Variants in CAST observed in about 807,000 individuals in gnomAD.
The protein encoded by CAST is MIR583 host.
A neutral mutation model predicts 119.6 loss-of-function variants in CAST; 76 were observed. That is an observed-to-expected ratio of 0.64 (90% CI 0.53 to 0.77). The LOEUF is 0.77. Ranked by LOEUF, CAST falls within the 30% of genes least tolerant of loss-of-function variation. CAST has a pLI of 0.00. For synonymous variants in CAST, 319 were observed against 331.6 expected (o/e 0.96, Z 0.41); for missense variants, 953 against 946.5 (o/e 1.01, Z -0.09).
intron 1 of CAST, among the ~76,000 whole-genome samples, chr5:96,620,900 T>C (rs1190001413): frequency 6.6e-6 from 1 of 152,220 alleles, no homozygotes; most frequent in African/African-American, 2.4e-5. Context: ...TCAAAGAAAT[T>C]AGGTGATTTC....
At chr5:96,501,526 A>C in the CAST span, among the ~76,000 whole-genome samples, 1 of 152,240 alleles carries the variant, frequency 6.6e-6, no homozygotes, top group South Asian at 2.1e-4. Context: ...GAAAGATATA[A>C]AAATTCTTCA....
chr5:96,768,626 A>G (rs1581430890), intron 29 of CAST, among the ~76,000 whole-genome samples: 1 of 152,238 alleles, frequency 6.6e-6, no homozygotes, highest in East Asian at 1.9e-4. Flanking sequence ...TCTCCACACT[A>G]TATGGTTGTG....
the CAST span, among the ~76,000 whole-genome samples, chr5:96,369,601 G>T: frequency 6.6e-6 from 1 of 152,096 alleles, no homozygotes; most frequent in African/African-American, 2.4e-5. Context: ...GAAGATGATC[G>T]TAGAAGAATA....
chr5:96,254,579 G>T, the CAST span, among the ~76,000 whole-genome samples: 4 of 152,066 alleles, frequency 2.6e-5, no homozygotes, highest in Non-Finnish European at 5.9e-5. Flanking sequence ...TTTAAAAAGT[G>T]GTTCCTATAT....
intron 1 of CAST, among the ~76,000 whole-genome samples, chr5:96,586,118 A>G (rs1468972873): frequency 6.6e-6 from 1 of 152,180 alleles, no homozygotes; most frequent in Non-Finnish European, 1.5e-5. Context: ...TAAAGTAGAT[A>G]CTTTTATTAT....
At chr5:96,334,330 G>T in the CAST span, among the ~76,000 whole-genome samples, 140,739 of 152,140 alleles carry the variant, frequency 0.93, 65,308 homozygotes, top group African/African-American at 0.98. Context: ...TTGTTTATTG[G>T]CTGGGCCAGA....
At chr5:96,677,739 C>A (rs1750876336) in intron 2 of CAST, among the ~76,000 whole-genome samples, 1 of 152,190 alleles carries the variant, frequency 6.6e-6, no homozygotes, top group South Asian at 2.1e-4. Context: ...TTTGCTCTGT[C>A]CCCATGGCTT....
At chr5:96,209,505 G>T in the CAST span, among the ~76,000 whole-genome samples, 1 of 151,908 alleles carries the variant, frequency 6.6e-6, no homozygotes, top group African/African-American at 2.4e-5. Context: ...TGTAAGGCAG[G>T]TCTGGTGATA....
chr5:96,443,470 C>T, the CAST span, among the ~76,000 whole-genome samples: 1 of 152,230 alleles, frequency 6.6e-6, no homozygotes, highest in African/African-American at 2.4e-5. Flanking sequence ...TCAAGAAAGC[C>T]ACATGCCAAT....
the CAST span, chr5:95,970,202 G>A: frequency 6.6e-6 from 1 of 152,346 alleles, no homozygotes; most frequent in South Asian, 2.1e-4. Context: ...CACCCATCGT[G>A]ATGTGTTGAC....
chr5:96,332,402 A>T, the CAST span, among the ~76,000 whole-genome samples: 3 of 151,712 alleles, frequency 2.0e-5, no homozygotes, highest in African/African-American at 7.3e-5. Flanking sequence ...TTCTTTCTTT[A>T]AATTGATTTC....
At chr5:96,232,479 G>A in the CAST span, among the ~76,000 whole-genome samples, 8 of 152,000 alleles carry the variant, frequency 5.3e-5, no homozygotes, top group Non-Finnish European at 1.5e-5. Context: ...CTGCAGAAAA[G>A]GACATTTGGA....
the CAST span, among the ~76,000 whole-genome samples, chr5:96,241,408 G>T: frequency 6.6e-6 from 1 of 151,468 alleles, no homozygotes; most frequent in African/African-American, 2.4e-5. Context: ...ATTTTTTATG[G>T]CTGCATAGTA....
At chr5:96,451,704 G>A in the CAST span, among the ~76,000 whole-genome samples, 2 of 152,224 alleles carry the variant, frequency 1.3e-5, no homozygotes, top group Admixed American at 1.3e-4. Context: ...GAGTGAACAG[G>A]CAACCTACAG....
chr5:96,153,746 A>G, the CAST span, among the ~76,000 whole-genome samples: 1 of 152,204 alleles, frequency 6.6e-6, no homozygotes, highest in Non-Finnish European at 1.5e-5. Context: ...TGTCTGTTAA[A>G]GCCACCATAT....
chr5:96,651,496 T>C (rs1748094078), intron 1 of CAST, among the ~76,000 whole-genome samples: 1 of 152,252 alleles, frequency 6.6e-6, no homozygotes, highest in Non-Finnish European at 1.5e-5. Flanking sequence ...CTAATTTTCT[T>C]ATCCTGTCTC....
At chr5:96,271,664 AAAAC>A in the CAST span, among the ~76,000 whole-genome samples, 7 of 152,082 alleles carry the variant, frequency 4.6e-5, no homozygotes, top group African/African-American at 1.7e-4. Context: ...AAAAAAAAAA[AAAAC>A]ATTGAAGAAA....
chr5:96,329,932 G>A, the CAST span, among the ~76,000 whole-genome samples: 1 of 152,158 alleles, frequency 6.6e-6, no homozygotes, highest in Non-Finnish European at 1.5e-5. Context: ...TCTATTTTCT[G>A]GGTTGGTTTA....
chr5:96,606,840 C>G (rs73152069), intron 1 of CAST, among the ~76,000 whole-genome samples: 15,716 of 152,224 alleles, frequency 0.1, 1,079 homozygotes, highest in African/African-American at 0.2. Flanking sequence ...CCCAGACCAG[C>G]AGCTTAGCAT....
Sources: allele counts gnomAD v4.1 joint callset (sites outside exome capture counted in the v4.1 genomes callset), GRCh38; gene constraint gnomAD v4.1.1; transcripts MANE v1.5; gene names NCBI Gene and HGNC (gene_info 2026-07-23, HGNC 2026-07-21).